The following LARGE1 variants were observed in gnomAD, a reference collection of about 807,000 sequenced individuals.
LARGE1 encodes xylosyl- and glucuronyltransferase LARGE1.
Under a neutral mutation model 87.6 loss-of-function variants are expected in LARGE1, and 43 were observed. That is an observed-to-expected ratio of 0.49 (90% CI 0.38 to 0.63). The LOEUF (loss-of-function observed/expected upper bound fraction) is 0.63. Ranked by LOEUF, LARGE1 falls within the 30% of genes least tolerant of loss-of-function variation. LARGE1 has a pLI of 0.00. For synonymous variants in LARGE1, 434 were observed against 394.6 expected (o/e 1.10, Z -1.18); for missense variants, 802 against 1,000.2 (o/e 0.80, Z 2.67).
rs182384679 is a variant in LARGE1, at chr22:33,635,941, G to A, written c.409-9615C>T. On this transcript the variant is annotated intron_variant, in intron 3 of 14. Transcript: ENST00000397394. ...TGGCTTTGTAAGCCAAGCCTTCAGGGCTCAGCGAGGAACAGGTGTGACCAC... is the reference window on the plus strand; with the variant it reads ...TGGCTTTGTAAGCCAAGCCTTCAGGACTCAGCGAGGAACAGGTGTGACCAC... Among the ~76,000 whole-genome samples the A allele has an allele frequency of 1.1e-4, 17 of 152,300 alleles. 1 individual carries two copies. The East Asian group carries it at 3.1e-3, about 28-fold the overall frequency.
chr22:33,094,232 G>A, the LARGE1 span, among the ~76,000 whole-genome samples: 4 of 152,108 alleles, frequency 2.6e-5, no homozygotes, highest in Admixed American at 6.6e-5. Flanking sequence ...AGGCGTATCT[G>A]GAACATGACG....
rs2283910 is a variant in LARGE1 at position 33,544,694 on chromosome 22, C to T, written c.787+20154G>A. Among the ~76,000 whole-genome samples the T allele has an allele frequency of 8.8e-5, 12 of 136,634 alleles. No homozygotes were observed. The South Asian group carries it at 2.3e-3, about 27-fold the overall frequency. 89.6% of individuals were successfully genotyped at this position (136,634 alleles called of 152,430 possible). ...CAAGACCCTGTCTCAAAACAACAAC[C>T]ACAACAACAACAACAACAACGAGTA... On this transcript the variant is annotated intron_variant, in intron 6 of 14. Transcript: ENST00000397394.
chr22:33,521,214 G>T (rs12160206), intron 6 of LARGE1, among the ~76,000 whole-genome samples: 1,707 of 152,364 alleles, frequency 0.011, 36 homozygotes, highest in African/African-American at 0.04. Flanking sequence ...AGTCAGCATT[G>T]CTGTGTAACA....
chr22:33,556,073 C>T (rs1417759600), intron 6 of LARGE1, among the ~76,000 whole-genome samples: 1 of 152,140 alleles, frequency 6.6e-6, no homozygotes, highest in African/African-American at 2.4e-5. Context: ...CACCTCTCTC[C>T]CTTTAGAAGC....
rs115932102 is a variant in LARGE1 at position 33,603,186 on chromosome 22, C to G, written c.615+1249G>C. On this transcript the variant is annotated intron_variant, in intron 5 of 14. Coordinates refer to ENST00000397394, the MANE Select transcript of LARGE1 (RefSeq NM_133642.5). ...CTGAAATATGTGAAAATCAGAAACT[C>G]TGGCTGGCATGTCAGTGATCTATTA... Among the ~76,000 whole-genome samples the G allele has an allele frequency of 8.2e-3, 1,255 of 152,296 alleles. 12 individuals are homozygous for G. Among genetic ancestry groups the G allele is most frequent in the African/African-American group, 0.029 (1,190 of 41,554 alleles).
intron 11 of LARGE1, among the ~76,000 whole-genome samples, chr22:33,200,638 A>G (rs1374105729): frequency 6.6e-6 from 1 of 152,262 alleles, no homozygotes; most frequent in Non-Finnish European, 1.5e-5. Context: ...ATATATCCAT[A>G]CAACCTGGAT....
chr22:33,329,154 T>A (rs541284087), intron 10 of LARGE1, among the ~76,000 whole-genome samples: 5 of 152,158 alleles, frequency 3.3e-5, no homozygotes, highest in Non-Finnish European at 7.3e-5. Flanking sequence ...AGGAGACCAA[T>A]ACTGATTACT....
chr22:33,715,194 C>T (rs529246076), intron 2 of LARGE1, among the ~76,000 whole-genome samples: 28 of 152,244 alleles, frequency 1.8e-4, no homozygotes, highest in African/African-American at 5.8e-4. Flanking sequence ...ATGAGATCAC[C>T]CAGTTAAGTT....
At chr22:33,684,610 GCT>G (rs1304026240) in intron 2 of LARGE1, among the ~76,000 whole-genome samples, 8 of 152,188 alleles carry the variant, frequency 5.3e-5, no homozygotes, top group African/African-American at 1.7e-4. Context: ...TGAGAACCTA[GCT>G]CAGGAGAAGC....
At chr22:33,531,071 T>C (rs1049866672) in intron 6 of LARGE1, among the ~76,000 whole-genome samples, 1 of 152,172 alleles carries the variant, frequency 6.6e-6, no homozygotes, top group Non-Finnish European at 1.5e-5. Flanking sequence ...GGCCTCTCCA[T>C]CCATAACCTG....
intron 5 of LARGE1, among the ~76,000 whole-genome samples, chr22:33,576,396 T>A (rs1001209787): frequency 6.6e-6 from 1 of 152,060 alleles, no homozygotes; most frequent in Non-Finnish European, 1.5e-5. Flanking sequence ...TGGGGAGACA[T>A]AACAAATAAT....
At chr22:33,725,028 G>C (rs1341359145) in intron 2 of LARGE1, 1 of 152,938 alleles carries the variant, frequency 6.5e-6, no homozygotes, top group Non-Finnish European at 1.5e-5. Flanking sequence ...GGGCTACAAG[G>C]GATCCATGGA....
At chr22:33,697,028 C>T (rs1297127965) in intron 2 of LARGE1, among the ~76,000 whole-genome samples, 2 of 152,052 alleles carry the variant, frequency 1.3e-5, no homozygotes. Context: ...TCCTTTACAT[C>T]TTGGACTCTG....
chr22:33,872,984 G>T (rs2064343702), intron 1 of LARGE1: 1 of 148,188 alleles, frequency 6.7e-6, no homozygotes, highest in Non-Finnish European at 1.5e-5. Context: ...TGGGTGCCAA[G>T]AGCAAAATTC....
chr22:33,343,329 A>C (rs1354210204), intron 9 of LARGE1, among the ~76,000 whole-genome samples: 1 of 152,160 alleles, frequency 6.6e-6, no homozygotes. Flanking sequence ...TATGTTGTCC[A>C]GGCTGGTCTC....
At chr22:33,800,244 C>T (rs1184468462) in intron 1 of LARGE1, among the ~76,000 whole-genome samples, 1 of 152,176 alleles carries the variant, frequency 6.6e-6, no homozygotes, top group Admixed American at 6.6e-5. Flanking sequence ...AAATTATAGA[C>T]TCTCAAGAAG....
chr22:33,829,305 G>T (rs533602494), intron 1 of LARGE1, among the ~76,000 whole-genome samples: 1 of 152,086 alleles, frequency 6.6e-6, no homozygotes, highest in Non-Finnish European at 1.5e-5. Flanking sequence ...CACCGCACCC[G>T]GTCTTGTAGT....
chr22:33,465,365 G>C (rs778141858), intron 6 of LARGE1, among the ~76,000 whole-genome samples: 7 of 152,216 alleles, frequency 4.6e-5, no homozygotes, highest in Non-Finnish European at 7.3e-5. Context: ...GGAGCTCCAA[G>C]TCTTTGGGTG....
At chr22:33,285,116 C>T (rs577568085) in intron 12 of LARGE1, among the ~76,000 whole-genome samples, 1 of 152,286 alleles carries the variant, frequency 6.6e-6, no homozygotes, top group East Asian at 1.9e-4. Flanking sequence ...AGTGCTATCA[C>T]GACTCCCTGG....
Sources: gnomAD v4.1 joint callset for allele counts (sites outside exome capture counted in the v4.1 genomes callset) on GRCh38, gnomAD v4.1.1 for gene constraint, MANE v1.5 for transcripts, NCBI Gene and HGNC (gene_info 2026-07-23, HGNC 2026-07-21) for gene names.